Variants in SPNS2 observed in about 807,000 individuals in gnomAD.
The protein encoded by SPNS2 is SPNS lysolipid transporter 2, sphingosine-1-phosphate.
SPNS2 carries 37 observed loss-of-function variants against 57.6 expected under a neutral mutation model. The observed-to-expected ratio is 0.64, with a 90% CI of 0.49 to 0.85. The LOEUF is 0.85. Among genes scored for constraint, SPNS2 ranks in the 40% least tolerant of loss-of-function variants. The pLI, the probability that SPNS2 is intolerant of heterozygous loss-of-function variation, is 0.00. For synonymous variants in SPNS2, 440 were observed against 346.9 expected (o/e 1.27, Z -2.98); for missense variants, 831 against 779.1 (o/e 1.07, Z -0.79).
chr17:4,519,329 G>A (rs1283785765), intron 2 of SPNS2, among the ~76,000 whole-genome samples: 1 of 152,240 alleles, frequency 6.6e-6, no homozygotes, highest in Admixed American at 6.5e-5. Flanking sequence ...GTGCCATGGG[G>A]ATGGCTCCGC....
Position 4,511,495 on chromosome 17 carries a change from C to G in SPNS2, c.371-1752C>G, listed in dbSNP as rs1407034302. Among the ~76,000 whole-genome samples the G allele has an allele frequency of 6.6e-6, 1 of 152,166 alleles. No homozygotes were observed. The highest frequency in any genetic ancestry group is 6.5e-5 in the Admixed American group (1 of 15,286). On this transcript the variant is annotated intron_variant, in intron 1 of 12. Transcript: ENST00000329078. The surrounding 1 kb of genome is among the most constrained non-coding windows in gnomAD (Gnocchi z 4.6). ...GTGCCACAGAGGGATGGGATCAAAC[C>G]TACACATCAGGAGGGGGAACAGAGT...
In SPNS2 at chr17:4,532,958, C is replaced by T; in HGVS notation, c.936-19C>T. The T allele has an allele frequency of 1.2e-6, 2 of 1,603,502 alleles. No individual in the cohort carries two copies. The highest frequency in any genetic ancestry group is 1.7e-6 in the Non-Finnish European group (2 of 1,174,484). On this transcript the variant is annotated intron_variant, in intron 6 of 12. Transcript: ENST00000329078. ...AAGGAGGTCCCTGAGCTCAGTGTCA[C>T]TGCCTGGCCTCTCCCCAGCCGCAGC... is the stretch of plus-strand genomic sequence containing the variant.
intron 11 of SPNS2, 22 bp from the exon 12 acceptor site, chr17:4,536,878 C>T (rs779001748): frequency 1.9e-5 from 31 of 1,611,670 alleles, no homozygotes; most frequent in Middle Eastern, 1.8e-4. Flanking sequence ...ACCACCCTGA[C>T]CCCCGCCCGT....
Position 4,499,447 on chromosome 17 carries a change from C to A in SPNS2, c.370+30C>A. The A allele has an allele frequency of 7.8e-7, 1 of 1,274,004 alleles. No homozygotes were observed. The highest frequency in any genetic ancestry group is 1.0e-6 in the Non-Finnish European group (1 of 996,872). 78.9% of individuals were successfully genotyped at this position (1,274,004 alleles called of 1,614,324 possible). On this transcript the variant is annotated intron_variant, in intron 1 of 12. Transcript: ENST00000329078. The surrounding 1 kb of genome is among the most constrained non-coding windows in gnomAD (Gnocchi z 5.2). Reference sequence around the variant, plus strand: ...GCGAGTGCCCCACCCAGCCCGAGGACCAAGACCCCACCCCATCCCACCACC... The same window carrying A: ...GCGAGTGCCCCACCCAGCCCGAGGAACAAGACCCCACCCCATCCCACCACC...
chr17:4,512,884 T>TC lies in SPNS2; in HGVS notation c.371-358dup, dbSNP rs984720955. Among the ~76,000 whole-genome samples, 17 of 152,196 alleles carry TC rather than the reference T, an allele frequency of 1.1e-4. No homozygotes were observed. Among genetic ancestry groups the TC allele is most frequent in the African/African-American group, 3.6e-4 (15 of 41,540 alleles). On this transcript the variant is annotated intron_variant, in intron 1 of 12. Coordinates refer to ENST00000329078, the MANE Select transcript of SPNS2 (RefSeq NM_001124758.3). The surrounding 1 kb of genome is among the most constrained non-coding windows in gnomAD (Gnocchi z 5.2). Reference sequence around the variant, plus strand: ...GCTCTCTGAGTCATGGGCTTTGTGTTCCCCCTGAGGGAAAGGCCTATGTCT... The same window carrying TC: ...GCTCTCTGAGTCATGGGCTTTGTGTTCCCCCCTGAGGGAAAGGCCTATGTCT...
intron 11 of SPNS2, 74 bp downstream of exon 11, chr17:4,536,500 C>A: frequency 3.9e-6 from 6 of 1,520,304 alleles, no homozygotes; most frequent in Non-Finnish European, 5.3e-6. Flanking sequence ...TGAGCCCTGC[C>A]CTGGGGTGGG....
intron 3 of SPNS2, among the ~76,000 whole-genome samples, chr17:4,527,420 AT>A (rs1485018543): frequency 1.3e-5 from 2 of 152,258 alleles, no homozygotes; most frequent in African/African-American, 4.8e-5. Flanking sequence ...GGGAAGAACT[AT>A]CTATCCATCT....
At chr17:4,525,615 G>A (rs1458017536) in intron 3 of SPNS2, among the ~76,000 whole-genome samples, 1 of 152,222 alleles carries the variant, frequency 6.6e-6, no homozygotes, top group East Asian at 1.9e-4. Flanking sequence ...TGACTTCTTA[G>A]ATCGACATCC....
chr17:4,524,344 G>C (rs1905212925), intron 2 of SPNS2, among the ~76,000 whole-genome samples: 2 of 152,216 alleles, frequency 1.3e-5, no homozygotes, highest in Non-Finnish European at 2.9e-5. Context: ...CATCTGTGAG[G>C]TGGGAGGGGG....
chr17:4,536,968 C>G (rs200956220), intron 12 of SPNS2, 22 bp downstream of exon 12: 2 of 1,610,526 alleles, frequency 1.2e-6, no homozygotes, highest in Admixed American at 3.4e-5. Context: ...CCGGGAGGCA[C>G]GTGGGGGCTC....
Position 4,499,993 on chromosome 17 carries a change from G to A in SPNS2, c.370+576G>A, listed in dbSNP as rs1259212029. On this transcript the variant is annotated intron_variant, in intron 1 of 12. Transcript: ENST00000329078. This position sits in a 1 kb window ranked among gnomAD's most constrained non-coding sequence, Gnocchi z 5.2. Reference sequence around the variant, plus strand: ...GTGGCTGACAAAGGCTCCGGGCTGCGGGGAGCGGAGGGAGGGGCGGGGCGG... The same window carrying A: ...GTGGCTGACAAAGGCTCCGGGCTGCAGGGAGCGGAGGGAGGGGCGGGGCGG... Among the ~76,000 whole-genome samples the A allele has an allele frequency of 6.6e-6, 1 of 152,196 alleles. No individual in the cohort carries two copies. Among genetic ancestry groups the A allele is most frequent in the Non-Finnish European group, 1.5e-5 (1 of 68,028 alleles).
At chr17:4,522,100 G>A (rs1905154204) in intron 2 of SPNS2, among the ~76,000 whole-genome samples, 3 of 152,194 alleles carry the variant, frequency 2.0e-5, no homozygotes, top group African/African-American at 7.2e-5. Context: ...TTGGGAGGCC[G>A]AGGCAAGAGA....
At chr17:4,517,554 G>T (rs1905026609) in intron 2 of SPNS2, among the ~76,000 whole-genome samples, 2 of 152,174 alleles carry the variant, frequency 1.3e-5, no homozygotes, top group South Asian at 4.1e-4. Flanking sequence ...TACTCAGGAG[G>T]CTGAGGCAGG....
rs1025464207 is a variant in SPNS2, at chr17:4,530,944, G to T, written c.726-109G>T. 4 of 1,485,044 alleles carry T rather than the reference G, an allele frequency of 2.7e-6. No homozygotes were observed. The African/African-American group carries it at 5.5e-5, about 21-fold the overall frequency. The allele number at this position is 1,485,044 out of a possible 1,614,324, so 92.0% of individuals were successfully genotyped here. ...GAGAATCTCCTGGACCTGCTCCCTG[G>T]CCAGCTGGCTGGGTGGGGAGGGTGG... On this transcript the variant is annotated intron_variant, in intron 4 of 12. Transcript: ENST00000329078.
chr17:4,522,171 C>G (rs1006845234), intron 2 of SPNS2, among the ~76,000 whole-genome samples: 3 of 152,188 alleles, frequency 2.0e-5, no homozygotes, highest in Non-Finnish European at 2.9e-5. Flanking sequence ...TGCACTCCAG[C>G]CTGGGCGACA....
chr17:4,527,371 T>A (rs1330274882), intron 3 of SPNS2, among the ~76,000 whole-genome samples: 1 of 152,182 alleles, frequency 6.6e-6, no homozygotes, highest in African/African-American at 2.4e-5. Context: ...CTGTGGGGAT[T>A]TAGTGTAGGA....
intron 2 of SPNS2, among the ~76,000 whole-genome samples, chr17:4,520,417 GGGTCACGT>G (rs1905109946): frequency 6.6e-6 from 1 of 152,170 alleles, no homozygotes; most frequent in Non-Finnish European, 1.5e-5. Flanking sequence ...GCGAAGGTCT[GGGTCACGT>G]CCCTCCAGTC....
chr17:4,537,030 A>G, intron 12 of SPNS2, 84 bp downstream of exon 12: 3 of 1,451,276 alleles, frequency 2.1e-6, no homozygotes, highest in South Asian at 1.2e-5. Context: ...CTTTTCCTCC[A>G]GAGTCACCTC....
chr17:4,533,607 T>A, intron 8 of SPNS2, 175 bp downstream of exon 8: 1 of 986,560 alleles, frequency 1.0e-6, no homozygotes, highest in Non-Finnish European at 1.5e-6. Context: ...CCAGGGCCTC[T>A]GGGTGCCTCA....
Sources: gnomAD v4.1 joint callset for allele counts (sites outside exome capture counted in the v4.1 genomes callset) on GRCh38, gnomAD v4.1.1 for gene constraint, Gnocchi (gnomAD v3.1) non-coding constraint, MANE v1.5 for transcripts, NCBI Gene and HGNC (gene_info 2026-07-23, HGNC 2026-07-21) for gene names.